The following AFDN variants were observed in gnomAD, a reference collection of about 807,000 sequenced individuals.
AFDN encodes afadin.
AFDN carries 68 observed loss-of-function variants against 216.6 expected under a neutral mutation model. That is an observed-to-expected ratio of 0.31 (90% CI 0.26 to 0.38). AFDN has a LOEUF of 0.38. Among genes scored for constraint, AFDN ranks in the 10% least tolerant of loss-of-function variants. The pLI, the probability that AFDN is intolerant of heterozygous loss-of-function variation, is 1.00. For missense variants in AFDN, 2,136 were observed against 2,342.0 expected (o/e 0.91, Z 1.82); for synonymous variants, 868 against 853.7 (o/e 1.02, Z -0.29).
At chr6:167,888,959 A>T (rs1038707969) in intron 6 of AFDN, among the ~76,000 whole-genome samples, 5 of 152,148 alleles carry the variant, frequency 3.3e-5, no homozygotes, top group Admixed American at 2.0e-4. Flanking sequence ...AGTTGTAAAA[A>T]AAAAAAATAT....
intron 23 of AFDN, among the ~76,000 whole-genome samples, chr6:167,925,849 A>G (rs1309230066): frequency 2.0e-5 from 3 of 152,234 alleles, no homozygotes; most frequent in African/African-American, 7.2e-5. Context: ...GATATTTTCC[A>G]TGAAACAAAT....
chr6:167,830,719 A>G (rs1450260051), intron 1 of AFDN, among the ~76,000 whole-genome samples: 1 of 152,204 alleles, frequency 6.6e-6, no homozygotes, highest in Non-Finnish European at 1.5e-5. Context: ...TTACAGGTGA[A>G]TACATTACAT....
At chr6:167,907,922 C>T (rs1278655522) in intron 13 of AFDN, among the ~76,000 whole-genome samples, 3 of 152,170 alleles carry the variant, frequency 2.0e-5, no homozygotes, top group South Asian at 2.1e-4. Flanking sequence ...TTAAATGTTG[C>T]AGAGTAATAT....
chr6:167,905,094 C>T (rs908346709), intron 12 of AFDN, among the ~76,000 whole-genome samples: 3 of 152,186 alleles, frequency 2.0e-5, no homozygotes, highest in Non-Finnish European at 2.9e-5. Context: ...GCTTTTCACA[C>T]TCTGGCCCCT....
chr6:167,915,301 C>G lies in AFDN; in HGVS notation c.2433C>G (p.Thr811=). 1 of 1,614,196 alleles carries G rather than the reference C, an allele frequency of 6.2e-7. No homozygotes were observed. Among genetic ancestry groups the G allele is most frequent in the South Asian group, 1.1e-5 (1 of 91,084 alleles). ...INMWLFNRLV[T]DPDSGLCSHY... ...TGTGGCTGTTCAATAGATTGGTGAC[C>G]GACCCAGATTCGGGGCTGTGCTCCC... Residue 811 remains threonine (T), a synonymous_variant, in exon 19 of 34, where the codon ACC becomes ACG. Coordinates refer to ENST00000683244, the MANE Select transcript of AFDN (RefSeq NM_001386888.1).
intron 1 of AFDN, among the ~76,000 whole-genome samples, chr6:167,847,000 AGTTT>A (rs1207908428): frequency 6.6e-6 from 1 of 152,146 alleles, no homozygotes; most frequent in Non-Finnish European, 1.5e-5. Context: ...ATACTCTGTC[AGTTT>A]GTTTAATTTT....
At chr6:167,913,283 A>AATGTCGTACCTTC in intron 15 of AFDN, 120 bp from the exon 16 acceptor site, 1 of 947,562 alleles carries the variant, frequency 1.1e-6, no homozygotes, top group East Asian at 2.6e-5. Context: ...AACATAACTA[A>AATGTCGTACCTTC]ATGTCGTACC....
chr6:167,870,770 C>T (rs1005244497), intron 3 of AFDN, among the ~76,000 whole-genome samples: 1 of 152,054 alleles, frequency 6.6e-6, no homozygotes, highest in African/African-American at 2.4e-5. Flanking sequence ...AGGTGATCAG[C>T]TGCAGTTATT....
rs552769229 is a variant in AFDN at position 167,953,436 on chromosome 6, T to C, written c.4833+1249T>C. ...TAATATATACATATCTCAGCCAAAA[T>C]GTGTGTATATATAAAACTTTGCCCA... is the stretch of plus-strand genomic sequence containing the variant. On this transcript the variant is annotated intron_variant, in intron 30 of 33. Transcript: ENST00000683244. Among the ~76,000 whole-genome samples, 36 of 152,294 alleles carry C rather than the reference T, an allele frequency of 2.4e-4. No homozygotes were observed. In the South Asian group the frequency reaches 7.5e-3, roughly 32 times the overall value.
chr6:167,929,031 A>T (rs1428267031), intron 23 of AFDN, among the ~76,000 whole-genome samples: 1 of 152,212 alleles, frequency 6.6e-6, no homozygotes, highest in Non-Finnish European at 1.5e-5. Flanking sequence ...GGCTTCCGTG[A>T]GTCTAATGTG....
Position 167,962,455 on chromosome 6 carries a change from G to GGCA in AFDN, c.4864_4866dup (p.Gln1622dup), listed in dbSNP as rs780025110. On this transcript the variant is annotated inframe_insertion, in exon 31 of 34. Transcript: ENST00000683244. This position sits in a 1 kb window ranked among gnomAD's most constrained non-coding sequence, Gnocchi z 5.2. ...TAGTTGCAGGACGAGGAGCGGAGGC[G>GGCA]GCAGCAGCAGTTAGAAGAGATGCGC... The GGCA allele has an allele frequency of 1.5e-4, 250 of 1,613,496 alleles. No homozygotes were observed. Among genetic ancestry groups the GGCA allele is most frequent in the Non-Finnish European group, 2.1e-4 (244 of 1,179,726 alleles).
At chr6:167,875,127 CT>C (rs1242883786) in intron 4 of AFDN, among the ~76,000 whole-genome samples, 2 of 151,796 alleles carry the variant, frequency 1.3e-5, no homozygotes, top group African/African-American at 2.4e-5. Flanking sequence ...TAGATGTCTG[CT>C]TAGTTCAGTA....
chr6:167,902,250 T>C (rs1296065694), intron 11 of AFDN, 67 bp from the exon 12 acceptor site: 1 of 1,173,784 alleles, frequency 8.5e-7, no homozygotes, highest in African/African-American at 1.5e-5. Flanking sequence ...CCTTGTGTAT[T>C]AAGAAGAGAC....
intron 15 of AFDN, among the ~76,000 whole-genome samples, chr6:167,912,697 C>T (rs1317170329): frequency 2.0e-5 from 3 of 152,260 alleles, no homozygotes; most frequent in South Asian, 2.1e-4. Context: ...TTGTGAGACA[C>T]CTATCATAAA....
In AFDN at chr6:167,917,160, G is replaced by A; in HGVS notation, c.2637G>A (p.Lys879=). The change falls in exon 20 of 34, where the codon AAG becomes AAA. Residue 879 remains lysine (K), a synonymous_variant. Coordinates refer to ENST00000683244, the MANE Select transcript of AFDN (RefSeq NM_001386888.1). ...DIPNINSTCF[K]LNSLQLQALL... is the part of the protein sequence containing the mutation. The stretch of plus-strand genomic sequence containing the variant: ...CAAATATAAACAGCACCTGCTTTAA[G>A]TTAAATTCATTACAACTTCAAGCCT... 1 of 1,612,482 alleles carries A rather than the reference G, an allele frequency of 6.2e-7. No homozygotes were observed. Among genetic ancestry groups the A allele is most frequent in the South Asian group, 1.1e-5 (1 of 90,482 alleles).
chr6:167,951,849 C>T lies in AFDN; in HGVS notation c.4495C>T (p.Arg1499Cys), dbSNP rs748333996. The T allele has an allele frequency of 4.3e-6, 7 of 1,614,002 alleles. No individual in the cohort carries two copies. Among genetic ancestry groups the T allele is most frequent in the Non-Finnish European group, 5.1e-6 (6 of 1,180,020 alleles). Residue 1499 changes from arginine (R) to cysteine (C), a missense_variant, in exon 30 of 34, where the codon CGC (arginine) becomes TGC (cysteine). Around this residue, in one of 8 missense-constraint regions of AFDN, gnomAD observed 981 missense variants for 966.0 expected, o/e 1.02. Coordinates refer to ENST00000683244, the MANE Select transcript of AFDN (RefSeq NM_001386888.1). This position sits in a 1 kb window ranked among gnomAD's most constrained non-coding sequence, Gnocchi z 7.1. ...TCAGCAGCAGCCCCGCACGATCGAG[C>T]GCAGAGACTTGCAGTACATTACAGT... ...QPQQQPRTIE[R>C]RDLQYITVSK...
Position 167,952,040 on chromosome 6 carries a change from C to T in AFDN, c.4686C>T (p.Asp1562=). ...CGGACCGCAGCGCCGAGGAGAGCGA[C>T]CGGCTGCGCAAGCTCATGCTGGAGT... is the stretch of plus-strand genomic sequence containing the variant. ...SKPDRSAEES[D]RLRKLMLEWQ... is the part of the protein sequence containing the mutation. Residue 1562 remains aspartate (D), a synonymous_variant, in exon 30 of 34, where the codon GAC becomes GAT. Coordinates refer to ENST00000683244, the MANE Select transcript of AFDN (RefSeq NM_001386888.1). The T allele has an allele frequency of 6.2e-7, 1 of 1,614,180 alleles. No homozygotes were observed. Among genetic ancestry groups the T allele is most frequent in the African/African-American group, 1.3e-5 (1 of 75,048 alleles).
chr6:167,883,086 G>A (rs377497040), intron 6 of AFDN, among the ~76,000 whole-genome samples: 1 of 152,144 alleles, frequency 6.6e-6, no homozygotes, highest in Non-Finnish European at 1.5e-5. Flanking sequence ...GGAGGACATT[G>A]TCCAGCAGAA....
In AFDN at chr6:167,870,382, G is replaced by A; in HGVS notation, c.302-4G>A. 6.4e-7 allele frequency: 1 copy of A among 1,556,870 alleles called. No individual in the cohort carries two copies. Among genetic ancestry groups the A allele is most frequent in the South Asian group, 1.2e-5 (1 of 84,944 alleles). ...TCTTTTTTTCATTTCATGTTTTGAA[G>A]AAGAAAGAAGATTGGATATAGATGA... is the stretch of plus-strand genomic sequence containing the variant. On this transcript the variant is annotated splice_region_variant and splice_polypyrimidine_tract_variant and intron_variant, in intron 2 of 33. Transcript: ENST00000683244.
Sources: gnomAD v4.1 joint callset for allele counts (sites outside exome capture counted in the v4.1 genomes callset) on GRCh38, gnomAD v4.1.1 for gene constraint, gnomAD v4.1.1 regional missense constraint, Gnocchi (gnomAD v3.1) non-coding constraint, MANE v1.5 for transcripts, NCBI Gene and HGNC (gene_info 2026-07-23, HGNC 2026-07-21) for gene names.